Variants in BABAM2 observed in about 807,000 individuals in gnomAD.
BABAM2 encodes BRISC and BRCA1-A complex member 2.
Under a neutral mutation model 54.7 loss-of-function variants are expected in BABAM2, and 31 were observed. That is an observed-to-expected ratio of 0.57 (90% CI 0.43 to 0.77). BABAM2 has a LOEUF of 0.77. Ranked by LOEUF, BABAM2 falls within the 30% of genes least tolerant of loss-of-function variation. The probability of loss-of-function intolerance (pLI) is 0.00; values close to 1 mark genes in which losing one functional copy is unlikely to be tolerated. For synonymous variants in BABAM2, 167 were observed against 162.9 expected, an observed-to-expected ratio of 1.03 and a Z score of -0.19; for missense variants, 364 against 455.8, an observed-to-expected ratio of 0.80 and a Z score of 1.83.
chr2:27,937,792 G>A (rs1275352145), intron 3 of BABAM2, among the ~76,000 whole-genome samples: 1 of 152,056 alleles, frequency 6.6e-6, no homozygotes, highest in African/African-American at 2.4e-5. Flanking sequence ...TTCCTTTGAT[G>A]TGCAGAAGCT....
At chr2:28,241,005 A>G (rs991200283) in intron 8 of BABAM2, among the ~76,000 whole-genome samples, 1 of 152,180 alleles carries the variant, frequency 6.6e-6, no homozygotes, top group African/African-American at 2.4e-5. Flanking sequence ...ACCAATTGCT[A>G]AATTTGTTGG....
intron 4 of BABAM2, chr2:28,015,832 T>C: frequency 2.2e-6 from 2 of 898,024 alleles, no homozygotes; most frequent in Non-Finnish European, 3.2e-6. Context: ...TTTGTTTTTT[T>C]CTGTTGCTTT....
chr2:28,134,233 A>G (rs1284320867), intron 7 of BABAM2, among the ~76,000 whole-genome samples: 1 of 149,488 alleles, frequency 6.7e-6, no homozygotes, highest in Non-Finnish European at 1.5e-5. Context: ...CTAGTAGTCA[A>G]TGATGCAAAT....
chr2:27,982,524 A>G (rs888312765), intron 3 of BABAM2, among the ~76,000 whole-genome samples: 5 of 151,396 alleles, frequency 3.3e-5, no homozygotes, highest in African/African-American at 2.4e-5. Context: ...TTTGCATGAT[A>G]TGAGGTAGGG....
intron 4 of BABAM2, among the ~76,000 whole-genome samples, chr2:28,022,124 C>T (rs199896580): frequency 2.0e-4 from 30 of 151,986 alleles, no homozygotes; most frequent in East Asian, 9.7e-4. Context: ...CACATAGGTA[C>T]GTGATGGAGT....
At chr2:28,241,149 T>C (rs1162057254) in intron 8 of BABAM2, among the ~76,000 whole-genome samples, 174 bp from the exon 9 acceptor site, 1 of 152,188 alleles carries the variant, frequency 6.6e-6, no homozygotes, top group Non-Finnish European at 1.5e-5. Context: ...GATAGATAGA[T>C]GGATGGCTGG....
intron 4 of BABAM2, among the ~76,000 whole-genome samples, chr2:28,007,986 ATGAAT>A (rs913083459): frequency 2.0e-5 from 3 of 152,142 alleles, no homozygotes; most frequent in African/African-American, 4.8e-5. Context: ...TTTGTTTATA[ATGAAT>A]TGAATAGTAG....
chr2:28,252,228 G>A (rs1683563026), intron 10 of BABAM2, among the ~76,000 whole-genome samples: 1 of 150,686 alleles, frequency 6.6e-6, no homozygotes, highest in Admixed American at 6.6e-5. Context: ...CAACAGGAAT[G>A]AAAATTAATT....
At chr2:28,027,723 G>C (rs1286597143) in intron 5 of BABAM2, among the ~76,000 whole-genome samples, 4 of 152,090 alleles carry the variant, frequency 2.6e-5, no homozygotes, top group African/African-American at 9.7e-5. Context: ...TGGACACTTG[G>C]GTTGTTTCCA....
intron 10 of BABAM2, among the ~76,000 whole-genome samples, chr2:28,281,441 G>T (rs972419508): frequency 6.6e-6 from 1 of 152,152 alleles, no homozygotes; most frequent in African/African-American, 2.4e-5. Context: ...ATCCATGGCG[G>T]AAGTAAATGT....
intron 6 of BABAM2, among the ~76,000 whole-genome samples, chr2:28,087,353 CAACAGAACA>C (rs1218875907): frequency 2.0e-5 from 3 of 152,066 alleles, no homozygotes; most frequent in African/African-American, 7.2e-5. Flanking sequence ...AGAACTAAGG[CAACAGAACA>C]AACAGCTATC....
intron 7 of BABAM2, among the ~76,000 whole-genome samples, chr2:28,132,234 G>A (rs1410940470): frequency 6.6e-6 from 1 of 151,448 alleles, no homozygotes; most frequent in Non-Finnish European, 1.5e-5. Flanking sequence ...CGCCTCCCGG[G>A]TTCACGCCAT....
intron 4 of BABAM2, among the ~76,000 whole-genome samples, chr2:28,016,747 T>G (rs1674856250): frequency 6.6e-6 from 1 of 152,246 alleles, no homozygotes; most frequent in African/African-American, 2.4e-5. Flanking sequence ...TGTTTAATTT[T>G]TTTGCCTTAC....
intron 6 of BABAM2, among the ~76,000 whole-genome samples, chr2:28,061,760 T>TA (rs1678896389): frequency 1.3e-5 from 2 of 151,952 alleles, no homozygotes; most frequent in Non-Finnish European, 2.9e-5. Flanking sequence ...GAAAACGTGA[T>TA]AAAATTTCAA....
At chr2:27,986,352 GT>G (rs35534083) in intron 3 of BABAM2, among the ~76,000 whole-genome samples, 3,766 of 148,342 alleles carry the variant, frequency 0.025, 177 homozygotes, top group African/African-American at 0.087. Context: ...TAATAGCAGG[GT>G]TTTTTTTTTG....
At chr2:28,017,724 C>T (rs1674948175) in intron 4 of BABAM2, among the ~76,000 whole-genome samples, 2 of 152,166 alleles carry the variant, frequency 1.3e-5, no homozygotes, top group South Asian at 4.1e-4. Context: ...ACAGTCTGTC[C>T]CTATAGATTT....
intron 10 of BABAM2, among the ~76,000 whole-genome samples, chr2:28,264,795 A>C (rs1325658727): frequency 1.3e-5 from 2 of 152,244 alleles, no homozygotes; most frequent in Non-Finnish European, 2.9e-5. Flanking sequence ...GAGAGTAAAC[A>C]CAAAGACTTT....
chr2:28,088,107 A>G (rs760816859), intron 6 of BABAM2, among the ~76,000 whole-genome samples: 2 of 152,232 alleles, frequency 1.3e-5, no homozygotes, highest in African/African-American at 2.4e-5. Flanking sequence ...GAACACATAG[A>G]CACACACAGG....
At chr2:28,078,655 G>A (rs1480882441) in intron 6 of BABAM2, among the ~76,000 whole-genome samples, 1 of 152,130 alleles carries the variant, frequency 6.6e-6, no homozygotes, top group Non-Finnish European at 1.5e-5. Context: ...GGGGATTAGA[G>A]TGGGGTATAG....
Sources: allele counts gnomAD v4.1 joint callset (sites outside exome capture counted in the v4.1 genomes callset), GRCh38; gene constraint gnomAD v4.1.1; transcripts MANE v1.5; gene names NCBI Gene and HGNC (gene_info 2026-07-23, HGNC 2026-07-21).